GABRB3: variants seen among roughly 807,000 people sequenced by gnomAD.
GABRB3 encodes the protein gamma-aminobutyric acid type A receptor subunit beta3.
In GABRB3, 14 loss-of-function variants were observed where a neutral mutation model predicts 52.1. The ratio of observed to expected loss-of-function variants is 0.27; its 90% CI spans 0.18 to 0.42. GABRB3 has a LOEUF of 0.42. Among genes scored for constraint, GABRB3 ranks in the 10% least tolerant of loss-of-function variants. The pLI is 1.00. For missense variants in GABRB3, 307 were observed against 609.1 expected (o/e 0.50, Z 5.22); for synonymous variants, 260 against 232.3 (o/e 1.12, Z -1.08).
At chr15:26,647,310 C>T (rs1230040258) in intron 3 of GABRB3, among the ~76,000 whole-genome samples, 1 of 152,180 alleles carries the variant, frequency 6.6e-6, no homozygotes, top group Non-Finnish European at 1.5e-5. Context: ...AATTGTTTTT[C>T]AGTCTCTTAA....
chr15:26,662,074 C>G, intron 3 of GABRB3, among the ~76,000 whole-genome samples: 1 of 152,290 alleles, frequency 6.6e-6, no homozygotes, highest in South Asian at 2.1e-4. Flanking sequence ...TCTTTAATAA[C>G]CATCAAAACA....
chr15:26,673,824 CT>C (rs1243079938), intron 3 of GABRB3, among the ~76,000 whole-genome samples: 10 of 152,174 alleles, frequency 6.6e-5, no homozygotes, highest in Admixed American at 6.5e-4. Context: ...TGGAATAGAG[CT>C]AGAATGTGAC....
At chr15:26,551,228 C>A (rs1889449962) in intron 8 of GABRB3, among the ~76,000 whole-genome samples, 1 of 152,148 alleles carries the variant, frequency 6.6e-6, no homozygotes, top group Non-Finnish European at 1.5e-5. Flanking sequence ...CTTTAGGAAA[C>A]AGGAAGAAGA....
chr15:26,671,138 C>T (rs1027726143), intron 3 of GABRB3, among the ~76,000 whole-genome samples: 1 of 152,104 alleles, frequency 6.6e-6, no homozygotes, highest in African/African-American at 2.4e-5. Flanking sequence ...AACATTATGC[C>T]AATCAAGAAG....
chr15:26,695,841 G>GAGAGC (rs1337059765), intron 3 of GABRB3, among the ~76,000 whole-genome samples: 1 of 152,304 alleles, frequency 6.6e-6, no homozygotes, highest in Admixed American at 6.5e-5. Flanking sequence ...AGCCAAAACA[G>GAGAGC]AGAGCAGAGA....
rs562250570 is a variant in GABRB3, at chr15:26,577,333, C to T, written c.682+2986G>A. ...TTCGAGACCAGCCTGGCCAACACAG[C>T]GAAACCCCGTCTCTACTAAAAATAC... On this transcript the variant is annotated intron_variant, in intron 6 of 8. Transcript: ENST00000311550. Among the ~76,000 whole-genome samples, 60 of 151,964 alleles carry T rather than the reference C, an allele frequency of 3.9e-4. 1 individual carries two copies. The South Asian group carries it at 0.012, about 30-fold the overall frequency.
intron 3 of GABRB3, among the ~76,000 whole-genome samples, chr15:26,692,720 T>C (rs781559560): frequency 6.6e-6 from 1 of 152,216 alleles, no homozygotes; most frequent in Non-Finnish European, 1.5e-5. Flanking sequence ...CAATAGCTTT[T>C]GCAATGAAGG....
chr15:26,555,955 T>A (rs941353276), intron 8 of GABRB3, among the ~76,000 whole-genome samples: 1 of 152,208 alleles, frequency 6.6e-6, no homozygotes, highest in African/African-American at 2.4e-5. Context: ...ATCTGTTAAA[T>A]CTTAGGAGCC....
At chr15:26,722,250 C>T (rs1239770655) in intron 3 of GABRB3, among the ~76,000 whole-genome samples, 1 of 152,040 alleles carries the variant, frequency 6.6e-6, no homozygotes, top group East Asian at 1.9e-4. Context: ...AAGATGGTTT[C>T]GGGAATTGCC....
intron 6 of GABRB3, among the ~76,000 whole-genome samples, chr15:26,577,003 A>G (rs142475381): frequency 6.6e-6 from 1 of 152,310 alleles, no homozygotes; most frequent in Non-Finnish European, 1.5e-5. Flanking sequence ...ACACCAAAAG[A>G]GCATTTCCAG....
At chr15:26,754,000 C>T (rs748340040) in intron 3 of GABRB3, among the ~76,000 whole-genome samples, 13 of 152,144 alleles carry the variant, frequency 8.5e-5, no homozygotes, top group Non-Finnish European at 1.9e-4. Context: ...AATGTATTTA[C>T]TAGGAGACAT....
chr15:26,605,358 C>T (rs1442820060), intron 4 of GABRB3, among the ~76,000 whole-genome samples: 2 of 152,078 alleles, frequency 1.3e-5, no homozygotes, highest in African/African-American at 2.4e-5. Context: ...TTTGGAGGTG[C>T]CTCAAAAAAC....
chr15:26,638,113 T>C (rs1292734243), intron 3 of GABRB3, among the ~76,000 whole-genome samples: 2 of 152,180 alleles, frequency 1.3e-5, no homozygotes. Context: ...TTCTTTAGAA[T>C]TGGTAGTCAA....
Position 26,766,567 on chromosome 15 carries a change from T to C in GABRB3, c.240+5835A>G, listed in dbSNP as rs1209753432. 3.3e-5 allele frequency among the ~76,000 whole-genome samples: 5 copies of C among 152,234 alleles called. No homozygotes were observed. The East Asian group carries it at 5.8e-4, about 18-fold the overall frequency. ...CTACAAGATACTTTCATTTGGCAAG[T>C]AGTCCAAGAAGCAACAGCTATCTTT... On this transcript the variant is annotated intron_variant, in intron 3 of 8. Coordinates refer to ENST00000311550, the MANE Select transcript of GABRB3 (RefSeq NM_000814.6).
At chr15:26,605,336 C>T (rs1381454041) in intron 4 of GABRB3, among the ~76,000 whole-genome samples, 1 of 152,050 alleles carries the variant, frequency 6.6e-6, no homozygotes, top group African/African-American at 2.4e-5. Flanking sequence ...GTACAACCAC[C>T]ATGCAGAAAA....
At chr15:26,589,451 G>A (rs887537689) in intron 4 of GABRB3, among the ~76,000 whole-genome samples, 31 of 152,280 alleles carry the variant, frequency 2.0e-4, no homozygotes, top group African/African-American at 6.5e-4. Context: ...TCCCCCATTT[G>A]TATGAATAGT....
intron 5 of GABRB3, 68 bp downstream of exon 5, chr15:26,583,264 G>A: frequency 7.6e-7 from 1 of 1,310,514 alleles, no homozygotes. Flanking sequence ...GAAAAAAGAT[G>A]CTAAATAATG....
chr15:26,629,194 G>T (rs1237557971), intron 3 of GABRB3: 1 of 1,455,336 alleles, frequency 6.9e-7, no homozygotes, highest in East Asian at 2.5e-5. Flanking sequence ...GGAGGGCTTT[G>T]CGAAGCGGCG....
At chr15:26,567,530 G>GT in intron 7 of GABRB3, 51 bp downstream of exon 7, 1 of 1,576,572 alleles carries the variant, frequency 6.3e-7, no homozygotes, top group South Asian at 1.1e-5. Context: ...TCTTAATACT[G>GT]TAATGATACG....
Sources: gnomAD v4.1 joint callset for allele counts (sites outside exome capture counted in the v4.1 genomes callset) on GRCh38, gnomAD v4.1.1 for gene constraint, MANE v1.5 for transcripts, NCBI Gene and HGNC (gene_info 2026-07-23, HGNC 2026-07-21) for gene names.